The following FOXJ3 variants were observed in gnomAD, a reference collection of about 807,000 sequenced individuals.
FOXJ3 encodes forkhead box protein J3.
FOXJ3 carries 22 observed loss-of-function variants against 76.1 expected under a neutral mutation model. The ratio of observed to expected loss-of-function variants is 0.29; its 90% CI spans 0.21 to 0.41. The LOEUF (loss-of-function observed/expected upper bound fraction) is 0.41. Ranked by LOEUF, FOXJ3 falls within the 10% of genes least tolerant of loss-of-function variation. FOXJ3 has a pLI of 1.00. For missense variants in FOXJ3, 613 were observed against 762.1 expected (o/e 0.80, Z 2.30); for synonymous variants, 269 against 261.2 (o/e 1.03, Z -0.29).
At chr1:42,290,048 G>C (rs1653317604) in intron 2 of FOXJ3, among the ~76,000 whole-genome samples, 1 of 152,120 alleles carries the variant, frequency 6.6e-6, no homozygotes, top group Non-Finnish European at 1.5e-5. Flanking sequence ...AATATGAGTA[G>C]TTGCATCAAG....
At chr1:42,205,635 CATGCATAGGGTA>C in intron 6 of FOXJ3, 115 bp downstream of exon 6, 1 of 625,440 alleles carries the variant, frequency 1.6e-6, no homozygotes, top group South Asian at 2.1e-5. Flanking sequence ...TTCAAGCTAC[CATGCATAGGGTA>C]GACAAATTTA....
chr1:42,189,710 T>C lies in FOXJ3; in HGVS notation c.1352-306A>G, dbSNP rs772524041. On this transcript the variant is annotated intron_variant, in intron 9 of 12. Transcript: ENST00000361346. Reference sequence around the variant, plus strand: ...AACCTCCAGTCTAGCAGTTTCCAAATTGCCACATCACCTAGTAATATCAAA... The same window carrying C: ...AACCTCCAGTCTAGCAGTTTCCAAACTGCCACATCACCTAGTAATATCAAA... 2.3e-5 allele frequency: 6 copies of C among 261,432 alleles called. 1 individual carries two copies. The highest frequency in any genetic ancestry group is 4.5e-5 in the Non-Finnish European group (6 of 134,582). The allele number at this position is 261,432 out of a possible 1,614,324, so 16.2% of individuals were successfully genotyped here. A position where few individuals can be genotyped will look rare whatever the true frequency, so the allele number is the denominator to read the frequency against.
chr1:42,298,725 C>T (rs1415202871), intron 2 of FOXJ3, among the ~76,000 whole-genome samples: 1 of 151,902 alleles, frequency 6.6e-6, no homozygotes, highest in Non-Finnish European at 1.5e-5. Flanking sequence ...TTTCTAGTTC[C>T]TTGATGTATG....
At chr1:42,280,861 C>T (rs1037650485) in intron 2 of FOXJ3, among the ~76,000 whole-genome samples, 1 of 152,126 alleles carries the variant, frequency 6.6e-6, no homozygotes, top group African/African-American at 2.4e-5. Context: ...AGAGTAGTTG[C>T]TTATATTATT....
At chr1:42,241,217 C>T (rs1649114282) in intron 4 of FOXJ3, among the ~76,000 whole-genome samples, 1 of 152,186 alleles carries the variant, frequency 6.6e-6, no homozygotes, top group South Asian at 2.1e-4. Context: ...TTCCTGACAG[C>T]TCCACCAGGG....
intron 4 of FOXJ3, among the ~76,000 whole-genome samples, chr1:42,237,449 T>TAC (rs1280183414): frequency 2.7e-5 from 4 of 146,904 alleles, no homozygotes; most frequent in African/African-American, 1.0e-4. Context: ...TATATATATA[T>TAC]ACACATACAT....
intron 8 of FOXJ3, among the ~76,000 whole-genome samples, chr1:42,192,566 G>A (rs569299732): frequency 4.6e-5 from 7 of 152,320 alleles, no homozygotes; most frequent in African/African-American, 1.7e-4. Flanking sequence ...TGCAGGATGA[G>A]CTCTGTAAAT....
chr1:42,270,339 A>C (rs1280755508), intron 3 of FOXJ3, among the ~76,000 whole-genome samples: 11 of 152,106 alleles, frequency 7.2e-5, no homozygotes, highest in African/African-American at 2.7e-4. Context: ...TTCCCCCTCC[A>C]TGCTGTATTC....
rs1008416359 is a variant in FOXJ3, at chr1:42,322,063, G to GA, written c.-17-10954dup. Among the ~76,000 whole-genome samples, 688 of 148,660 alleles carry GA rather than the reference G, an allele frequency of 4.6e-3. 8 individuals are homozygous for GA. The highest frequency in any genetic ancestry group is 0.016 in the African/African-American group (655 of 40,562). ...AAATGATGGCTGAATTGTCATAAAAGAAAAAAAAAATCTAGCAGATATTTC... is the reference window on the plus strand; with the variant it reads ...AAATGATGGCTGAATTGTCATAAAAGAAAAAAAAAAATCTAGCAGATATTTC... On this transcript the variant is annotated intron_variant, in intron 1 of 12. Coordinates refer to ENST00000361346, the MANE Select transcript of FOXJ3 (RefSeq NM_014947.5).
At chr1:42,181,079 A>AC (rs1254181609) in intron 12 of FOXJ3, among the ~76,000 whole-genome samples, 1 of 152,072 alleles carries the variant, frequency 6.6e-6, no homozygotes, top group Non-Finnish European at 1.5e-5. Flanking sequence ...TTTTAAATCC[A>AC]CCCCCAACCC....
At chr1:42,328,179 C>A (rs2124792422) in intron 1 of FOXJ3, among the ~76,000 whole-genome samples, 1 of 152,198 alleles carries the variant, frequency 6.6e-6, no homozygotes. Context: ...ACCTCTAGTC[C>A]CAGCCACTTG....
intron 6 of FOXJ3, among the ~76,000 whole-genome samples, chr1:42,202,905 G>A (rs1385450365): frequency 2.0e-5 from 3 of 152,156 alleles, no homozygotes; most frequent in Non-Finnish European, 4.4e-5. Context: ...ATGAGTTACA[G>A]AAAGGCATGC....
chr1:42,246,123 T>C (rs1175308604), intron 4 of FOXJ3, among the ~76,000 whole-genome samples: 1 of 152,006 alleles, frequency 6.6e-6, no homozygotes, highest in Admixed American at 6.6e-5. Flanking sequence ...GACTAAGACC[T>C]CAAAAGCACA....
chr1:42,328,105 A>T (rs1480195819), intron 1 of FOXJ3, among the ~76,000 whole-genome samples: 2 of 152,148 alleles, frequency 1.3e-5, no homozygotes, highest in African/African-American at 4.8e-5. Flanking sequence ...CAGCCTAGGG[A>T]GCCAGCATAG....
At chr1:42,290,845 GA>G (rs1280068350) in intron 2 of FOXJ3, among the ~76,000 whole-genome samples, 1 of 151,974 alleles carries the variant, frequency 6.6e-6, no homozygotes, top group Non-Finnish European at 1.5e-5. Flanking sequence ...TTGTAAATAT[GA>G]ATACCCTAAT....
At chr1:42,252,616 C>A (rs1192993432) in intron 4 of FOXJ3, among the ~76,000 whole-genome samples, 1 of 139,554 alleles carries the variant, frequency 7.2e-6, no homozygotes, top group Admixed American at 7.2e-5. Context: ...TTTTTTTTGT[C>A]TCTATTTCCT....
In FOXJ3 at chr1:42,177,003, C is replaced by G. The variant is rs1387615356; in HGVS notation, c.*2707G>C. ...CGGATTATTCTCCTGAACAGAGTGT[C>G]CCCATTTGTTTACATGCATTTACTA... On this transcript the variant is annotated 3_prime_UTR_variant, in exon 13 of 13. Transcript: ENST00000361346. The G allele has an allele frequency of 6.6e-6, 1 of 152,642 alleles. No homozygotes were observed. The highest frequency in any genetic ancestry group is 2.1e-4 in the South Asian group (1 of 4,834). The allele number at this position is 152,642 out of a possible 1,614,324, so 9.5% of individuals were successfully genotyped here.
intron 4 of FOXJ3, among the ~76,000 whole-genome samples, chr1:42,261,469 A>C (rs971832422): frequency 1.3e-5 from 2 of 152,116 alleles, no homozygotes; most frequent in Non-Finnish European, 2.9e-5. Flanking sequence ...AGAAAAATGA[A>C]TCTCAGACCA....
chr1:42,222,051 GAAGAAGA>G (rs1647221025), intron 5 of FOXJ3, among the ~76,000 whole-genome samples: 6 of 88,866 alleles, frequency 6.8e-5, no homozygotes, highest in African/African-American at 3.1e-4. Context: ...AGAAGGAGAA[GAAGAAGA>G]AGAAGAAGAA....
Sources: gnomAD v4.1 joint callset for allele counts (sites outside exome capture counted in the v4.1 genomes callset) on GRCh38, gnomAD v4.1.1 for gene constraint, MANE v1.5 for transcripts, NCBI Gene and HGNC (gene_info 2026-07-23, HGNC 2026-07-21) for gene names.